Variants in ARMH4 observed in about 807,000 individuals in gnomAD.
ARMH4 encodes armadillo like helical domain containing 4.
A neutral mutation model predicts 61.9 loss-of-function variants in ARMH4; 49 were observed. That is an observed-to-expected ratio of 0.79 (90% CI 0.63 to 1.00). ARMH4 has a LOEUF of 1.00. Ranked by LOEUF, ARMH4 falls within the 50% of genes least tolerant of loss-of-function variation. The probability of loss-of-function intolerance (pLI) is 0.00; values close to 1 mark genes in which losing one functional copy is unlikely to be tolerated. For missense variants in ARMH4, 934 were observed against 930.0 expected, an observed-to-expected ratio of 1.00 and a Z score of -0.06; for synonymous variants, 368 against 341.5, an observed-to-expected ratio of 1.08 and a Z score of -0.85.
chr14:58,113,006 CA>C (rs924743023), intron 4 of ARMH4, among the ~76,000 whole-genome samples: 3 of 152,022 alleles, frequency 2.0e-5, no homozygotes, highest in African/African-American at 7.2e-5. Flanking sequence ...GTAGAACAAA[CA>C]AAAAGTTGAC....
In ARMH4 at chr14:58,131,680, G is replaced by A; in HGVS notation, c.1663C>T (p.Pro555Ser). Residue 555 changes from proline to serine, a missense_variant, in exon 4 of 8, where the codon CCA becomes TCA. Pro to Ser is a moderately conservative substitution (Grantham distance 74, BLOSUM62 -1). Coordinates refer to ENST00000267485, the MANE Select transcript of ARMH4 (RefSeq NM_001001872.4). Reference sequence around the variant, plus strand: ...GGTGTCACTGGAGATCCCAGAACTGGTGTGAACTCCTCATTTGGCCCTGTG... The same window carrying A: ...GGTGTCACTGGAGATCCCAGAACTGATGTGAACTCCTCATTTGGCCCTGTG... Reference protein sequence around the residue: ...TVTGPNEEFTPVLGSPVTPPG... With the variant: ...TVTGPNEEFTSVLGSPVTPPG... 3.1e-6 allele frequency: 5 copies of A among 1,613,626 alleles called. No homozygotes were observed. The highest frequency in any genetic ancestry group is 4.2e-6 in the Non-Finnish European group (5 of 1,180,030).
chr14:58,083,110 C>T (rs1447922785), intron 5 of ARMH4, among the ~76,000 whole-genome samples: 2 of 152,096 alleles, frequency 1.3e-5, no homozygotes, highest in African/African-American at 2.4e-5. Flanking sequence ...ATGAAGAGGG[C>T]AAGGAACCAA....
intron 4 of ARMH4, among the ~76,000 whole-genome samples, chr14:58,128,357 A>G (rs569692195): frequency 2.0e-5 from 3 of 152,354 alleles, no homozygotes; most frequent in African/African-American, 7.2e-5. Flanking sequence ...TTATGCAGTT[A>G]TAAAATATGT....
At chr14:58,074,454 CTT>C (rs777905376) in intron 5 of ARMH4, among the ~76,000 whole-genome samples, 29 of 139,238 alleles carry the variant, frequency 2.1e-4, no homozygotes, top group African/African-American at 2.1e-4. Flanking sequence ...CAACACAGTT[CTT>C]TTTTTTTTTT....
chr14:58,058,092 C>T (rs1470151965), intron 5 of ARMH4, among the ~76,000 whole-genome samples: 1 of 152,144 alleles, frequency 6.6e-6, no homozygotes. Context: ...ATAGTCATCC[C>T]CAGTATCACG....
At chr14:58,122,065 A>T (rs1365769198) in intron 4 of ARMH4, among the ~76,000 whole-genome samples, 1 of 152,198 alleles carries the variant, frequency 6.6e-6, no homozygotes, top group East Asian at 1.9e-4. Flanking sequence ...AAGTGAAATC[A>T]GAATCCAAAG....
intron 4 of ARMH4, among the ~76,000 whole-genome samples, chr14:58,102,772 C>T (rs1886037781): frequency 7.5e-6 from 1 of 133,254 alleles, no homozygotes; most frequent in Non-Finnish European, 1.6e-5. Context: ...GATTGCGCCA[C>T]TGCAGTCCGC....
chr14:58,074,555 T>G (rs1884984978), intron 5 of ARMH4, among the ~76,000 whole-genome samples: 1 of 152,014 alleles, frequency 6.6e-6, no homozygotes, highest in Non-Finnish European at 1.5e-5. Context: ...ATTTGTAGTA[T>G]TTATTAATTT....
intron 4 of ARMH4, among the ~76,000 whole-genome samples, chr14:58,125,528 C>G (rs1229909200): frequency 6.6e-6 from 1 of 152,106 alleles, no homozygotes; most frequent in African/African-American, 2.4e-5. Flanking sequence ...CATTTCAATC[C>G]CTGTATCTTT....
At chr14:58,038,356 A>T (rs879675650) in intron 5 of ARMH4, among the ~76,000 whole-genome samples, 1,507 of 107,258 alleles carry the variant, frequency 0.014, 20 homozygotes, top group Non-Finnish European at 0.021. Flanking sequence ...GAACAATGAG[A>T]TCACATGGAC....
chr14:58,115,070 AC>A (rs974479243), intron 4 of ARMH4, among the ~76,000 whole-genome samples: 5 of 152,216 alleles, frequency 3.3e-5, no homozygotes, highest in African/African-American at 1.2e-4. Context: ...AGCATTTGCA[AC>A]AAAAATAAAA....
rs562605474 is a variant in ARMH4 at position 58,042,658 on chromosome 14, G to C, written c.2090-30508C>G. ...AACCTTCAAAAAATCAATGACTCCAGGAGCTGGTTTTTTGAACATATCAAC... is the reference window on the plus strand; with the variant it reads ...AACCTTCAAAAAATCAATGACTCCACGAGCTGGTTTTTTGAACATATCAAC... On this transcript the variant is annotated intron_variant, in intron 5 of 7. Coordinates refer to ENST00000267485, the MANE Select transcript of ARMH4 (RefSeq NM_001001872.4). 5.3e-5 allele frequency among the ~76,000 whole-genome samples: 8 copies of C among 152,282 alleles called. No individual in the cohort carries two copies. The East Asian group carries it at 1.5e-3, about 29-fold the overall frequency.
intron 5 of ARMH4, among the ~76,000 whole-genome samples, chr14:58,084,291 A>T (rs966058255): frequency 3.3e-5 from 5 of 152,106 alleles, no homozygotes; most frequent in African/African-American, 4.8e-5. Context: ...TTGTCTTTCT[A>T]TCTCTCTGTG....
At chr14:58,076,610 C>A (rs1315276979) in intron 5 of ARMH4, among the ~76,000 whole-genome samples, 1 of 152,064 alleles carries the variant, frequency 6.6e-6, no homozygotes, top group Non-Finnish European at 1.5e-5. Flanking sequence ...TTTTAAACTA[C>A]TGAATTTTAT....
At chr14:58,047,323 CTGA>C (rs1270155784) in intron 5 of ARMH4, among the ~76,000 whole-genome samples, 1 of 152,238 alleles carries the variant, frequency 6.6e-6, no homozygotes, top group Admixed American at 6.5e-5. Flanking sequence ...GGATCCCCCT[CTGA>C]TAAGCATTGA....
At chr14:58,117,346 C>T (rs1393152638) in intron 4 of ARMH4, among the ~76,000 whole-genome samples, 1 of 152,134 alleles carries the variant, frequency 6.6e-6, no homozygotes, top group African/African-American at 2.4e-5. Flanking sequence ...ATACACAAAA[C>T]TTGTATATAA....
At chr14:58,012,016 G>T in intron 6 of ARMH4, 103 bp downstream of exon 6, 1 of 813,612 alleles carries the variant, frequency 1.2e-6, no homozygotes. Context: ...TAGATTACCA[G>T]AATCAGAATA....
chr14:58,131,716 T>C lies in ARMH4; in HGVS notation c.1627A>G (p.Met543Val), dbSNP rs1425714466. 2 of 1,612,628 alleles carry C rather than the reference T, an allele frequency of 1.2e-6. No homozygotes were observed. The highest frequency in any genetic ancestry group is 1.1e-5 in the South Asian group (1 of 90,982). Residue 543 changes from methionine to valine, a missense_variant, in exon 4 of 8, where the codon ATG becomes GTG. Coordinates refer to ENST00000267485, the MANE Select transcript of ARMH4 (RefSeq NM_001001872.4). The part of the protein sequence containing the change: ...FEVTPTVEEQ[M>V]DTVTGPNEEF... ...TCATTTGGCCCTGTGACTGTGTCCATTTGTTCTGCCAAACACAACAGACAG... is the reference window on the plus strand; with the variant it reads ...TCATTTGGCCCTGTGACTGTGTCCACTTGTTCTGCCAAACACAACAGACAG...
At chr14:58,144,475 G>T (rs1462911074) in intron 1 of ARMH4, among the ~76,000 whole-genome samples, 1 of 152,148 alleles carries the variant, frequency 6.6e-6, no homozygotes, top group Non-Finnish European at 1.5e-5. Flanking sequence ...AGCCCAGAAA[G>T]TCAAGGCTGC....
Sources: allele counts gnomAD v4.1 joint callset (sites outside exome capture counted in the v4.1 genomes callset), GRCh38; gene constraint gnomAD v4.1.1; transcripts MANE v1.5; gene names NCBI Gene and HGNC (gene_info 2026-07-23, HGNC 2026-07-21).